The following SETD5 variants were observed in gnomAD, a reference collection of about 807,000 sequenced individuals.
SETD5 encodes the protein histone-lysine N-methyltransferase SETD5.
A neutral mutation model predicts 153.3 loss-of-function variants in SETD5; 44 were observed. The ratio of observed to expected loss-of-function variants is 0.29; its 90% CI spans 0.23 to 0.37. SETD5 has a LOEUF of 0.37. Ranked by LOEUF, SETD5 falls within the 10% of genes least tolerant of loss-of-function variation. SETD5 has a pLI of 1.00. For synonymous variants in SETD5, 716 were observed against 645.2 expected (o/e 1.11, Z -1.66); for missense variants, 1,544 against 1,768.0 (o/e 0.87, Z 2.27).
At chr3:9,428,010 T>A (rs1042323486) in intron 2 of SETD5, among the ~76,000 whole-genome samples, 1 of 152,208 alleles carries the variant, frequency 6.6e-6, no homozygotes, top group African/African-American at 2.4e-5. Flanking sequence ...ATCATGAAAC[T>A]GTACTCTTCG....
chr3:9,399,291 T>C (rs535933494), intron 1 of SETD5, among the ~76,000 whole-genome samples: 1 of 152,320 alleles, frequency 6.6e-6, no homozygotes, highest in East Asian at 1.9e-4. Context: ...TATTTTTTGG[T>C]TGTTAATTTT....
chr3:9,468,627 T>TA, intron 18 of SETD5: 1 of 1,287,618 alleles, frequency 7.8e-7, no homozygotes, highest in Non-Finnish European at 1.0e-6. Flanking sequence ...TGAGTGTTCA[T>TA]GAATGTGTTC....
Position 9,441,469 on chromosome 3 carries a change from T to G in SETD5, c.811-124T>G, listed in dbSNP as rs2041286668. 3 of 849,884 alleles carry G rather than the reference T, an allele frequency of 3.5e-6. No homozygotes were observed. In the Admixed American group the frequency reaches 8.2e-5, roughly 23 times the overall value. 52.6% of individuals were successfully genotyped at this position (849,884 alleles called of 1,614,324 possible). On this transcript the variant is annotated intron_variant, in intron 8 of 22. Transcript: ENST00000402198. ...ACATTTTAAAATTTCTCATCATTGA[T>G]CTAAATAACATGTACAGATAAAACC...
chr3:9,446,203 C>CA (rs2041972678), intron 13 of SETD5, among the ~76,000 whole-genome samples: 1 of 140,948 alleles, frequency 7.1e-6, no homozygotes, highest in African/African-American at 2.6e-5. Context: ...AGGAGAATGG[C>CA]ATGAACCTGG....
chr3:9,464,635 C>A lies in SETD5; in HGVS notation c.2687C>A (p.Thr896Asn), dbSNP rs770931503. The A allele has an allele frequency of 1.2e-6, 2 of 1,613,928 alleles. No homozygotes were observed. Among genetic ancestry groups the A allele is most frequent in the African/African-American group, 1.3e-5 (1 of 74,946 alleles). Residue 896 changes from threonine to asparagine, a missense_variant, in exon 18 of 23, where the codon ACT becomes AAT. Physicochemically the swap from Thr to Asn is moderately conservative, Grantham distance 65. Around this residue, in one of 9 missense-constraint regions of SETD5, gnomAD observed 782 missense variants for 787.2 expected, o/e 0.99. Coordinates refer to ENST00000402198, the MANE Select transcript of SETD5 (RefSeq NM_001080517.3). ...SLMFSPVTSL[T>N]TASRCNTPLQ... ...ATGTTTTCACCAGTCACATCTCTTA[C>A]TACTGCTAGTCGCTGCAACACTCCT...
chr3:9,403,463 A>G (rs1230669783), intron 1 of SETD5, among the ~76,000 whole-genome samples: 8 of 152,158 alleles, frequency 5.3e-5, no homozygotes, highest in Admixed American at 1.3e-4. Flanking sequence ...CATGTAGAAT[A>G]ATTTGTTTCC....
rs1559501970 is a variant in SETD5 at position 9,476,281 on chromosome 3, T to C, written c.*190T>C. 7 of 727,002 alleles carry C rather than the reference T, an allele frequency of 9.6e-6. No individual in the cohort carries two copies. The highest frequency in any genetic ancestry group is 1.1e-5 in the Non-Finnish European group (5 of 458,368). 45.0% of individuals were successfully genotyped at this position (727,002 alleles called of 1,614,324 possible). ...TGGCCTTGGAGAAAGCTGTAAATCT[T>C]GTCTGAAGCAGAGACTATAAAGAAG... On this transcript the variant is annotated 3_prime_UTR_variant, in exon 23 of 23. Coordinates refer to ENST00000402198, the MANE Select transcript of SETD5 (RefSeq NM_001080517.3).
Position 9,434,139 on chromosome 3 carries a change from A to G in SETD5, c.177+189A>G, listed in dbSNP as rs1243604558. 1 of 1,548,250 alleles carries G rather than the reference A, an allele frequency of 6.5e-7. No individual in the cohort carries two copies. The highest frequency in any genetic ancestry group is 8.7e-7 in the Non-Finnish European group (1 of 1,147,792). On this transcript the variant is annotated intron_variant, in intron 4 of 22. Transcript: ENST00000402198. This position sits in a 1 kb window ranked among gnomAD's most constrained non-coding sequence, Gnocchi z 5.6. The stretch of plus-strand genomic sequence containing the variant: ...TTTTTATGTCCCAGTTGACCTTGGC[A>G]TTTTGTTTTATCACTTTCCTGGTTG...
chr3:9,468,463 T>C (rs567037019), intron 18 of SETD5: 57 of 1,295,358 alleles, frequency 4.4e-5, no homozygotes, highest in Non-Finnish European at 5.4e-5. Flanking sequence ...TTTGTTTTGT[T>C]TTGCTTCTTG....
intron 1 of SETD5, among the ~76,000 whole-genome samples, chr3:9,409,480 C>T (rs1195908338): frequency 6.6e-6 from 1 of 152,102 alleles, no homozygotes; most frequent in Non-Finnish European, 1.5e-5. Context: ...TTCAGGTTGT[C>T]CTACCTTTGT....
At chr3:9,404,080 G>A (rs1575151636) in intron 1 of SETD5, among the ~76,000 whole-genome samples, 1 of 152,158 alleles carries the variant, frequency 6.6e-6, no homozygotes, top group Admixed American at 6.5e-5. Flanking sequence ...GGTTTGAACA[G>A]TTTTCCAAGA....
At chr3:9,431,083 T>A (rs549083581) in intron 3 of SETD5, 1 of 985,480 alleles carries the variant, frequency 1.0e-6, no homozygotes, top group African/African-American at 1.7e-5. Context: ...TGGTATTAAG[T>A]GCAGCATACT....
intron 1 of SETD5, among the ~76,000 whole-genome samples, chr3:9,411,307 TA>T (rs1036968475): frequency 1.2e-4 from 18 of 152,224 alleles, no homozygotes; most frequent in Non-Finnish European, 2.4e-4. Context: ...GGATGTCATA[TA>T]TTTTTTAACT....
At chr3:9,453,607 A>G in intron 16 of SETD5, 132 bp from the exon 17 acceptor site, 4 of 798,562 alleles carry the variant, frequency 5.0e-6, no homozygotes, top group South Asian at 2.8e-5. Context: ...ACACAAGACA[A>G]TAAAATGCTT....
In SETD5 at chr3:9,476,019, T is replaced by C. The variant is rs2045823202; in HGVS notation, c.4257T>C (p.Ser1419=). ...CACAGCACTACCCACACCGTGGGAGTGGGGGTGTGCACCAGTACCGACTCC... is the reference window on the plus strand; with the variant it reads ...CACAGCACTACCCACACCGTGGGAGCGGGGGTGTGCACCAGTACCGACTCC... ...SNSQHYPHRG[S]GGVHQYRLQP... is the part of the protein sequence containing the mutation. The change falls in exon 23 of 23, where the codon AGT becomes AGC. Residue 1419 remains serine (S), a synonymous_variant. Coordinates refer to ENST00000402198, the MANE Select transcript of SETD5 (RefSeq NM_001080517.3). The C allele has an allele frequency of 6.2e-7, 1 of 1,613,240 alleles. No homozygotes were observed. Among genetic ancestry groups the C allele is most frequent in the Admixed American group, 1.7e-5 (1 of 59,926 alleles).
chr3:9,464,603 C>T lies in SETD5; in HGVS notation c.2655C>T (p.Tyr885=), dbSNP rs923393036. The T allele has an allele frequency of 6.2e-7, 1 of 1,613,834 alleles. No homozygotes were observed. ...GAGAAGAGGAGTGTCGAAATGGATA[C>T]AGCCTCATGTTTTCACCAGTCACAT... ...HPGEEECRNG[Y]SLMFSPVTSL... is the part of the protein sequence containing the mutation. The change falls in exon 18 of 23, where the codon TAC becomes TAT. Residue 885 remains tyrosine (Y), a synonymous_variant. Transcript: ENST00000402198.
chr3:9,434,187 A>T lies in SETD5; in HGVS notation c.178-147A>T. The T allele has an allele frequency of 6.5e-7, 1 of 1,549,040 alleles. No individual in the cohort carries two copies. The highest frequency in any genetic ancestry group is 1.7e-4 in the Middle Eastern group (1 of 5,986). On this transcript the variant is annotated intron_variant, in intron 4 of 22. Transcript: ENST00000402198. This position sits in a 1 kb window ranked among gnomAD's most constrained non-coding sequence, Gnocchi z 5.6. ...TTGAAGCCAAAAAACAAAGGGTACT[A>T]CTTTCTTCTTTCTTTCCATATGTAC...
intron 7 of SETD5, among the ~76,000 whole-genome samples, chr3:9,436,402 C>A (rs541810367): frequency 9.9e-5 from 15 of 152,200 alleles, no homozygotes; most frequent in African/African-American, 3.6e-4. Flanking sequence ...AAAATGTCTA[C>A]GGGAGAAACT....
At chr3:9,426,065 G>A (rs190181473) in intron 2 of SETD5, 70 of 152,110 alleles carry the variant, frequency 4.6e-4, no homozygotes, top group African/African-American at 1.6e-3. Flanking sequence ...TACTTGATGA[G>A]TGTTCTTGTT....
Sources: allele counts gnomAD v4.1 joint callset (sites outside exome capture counted in the v4.1 genomes callset), GRCh38; gene constraint gnomAD v4.1.1; regional missense constraint gnomAD v4.1.1; non-coding constraint Gnocchi (gnomAD v3.1); transcripts MANE v1.5; gene names NCBI Gene and HGNC (gene_info 2026-07-23, HGNC 2026-07-21).